NUTF2: variants seen among roughly 807,000 people sequenced by gnomAD.
NUTF2 encodes placental protein 15.
A neutral mutation model predicts 18.5 loss-of-function variants in NUTF2; 3 were observed. That is an observed-to-expected ratio of 0.16 (90% confidence interval 0.07 to 0.42). The LOEUF (loss-of-function observed/expected upper bound fraction) is 0.42. Ranked by LOEUF, NUTF2 falls within the 10% of genes least tolerant of loss-of-function variation. The pLI is 0.99. For synonymous variants in NUTF2, 51 were observed against 57.9 expected (o/e 0.88, Z 0.54); for missense variants, 44 against 160.7 (o/e 0.27, Z 3.93).
chr16:67,854,131 A>T (rs759716700), intron 1 of NUTF2, among the ~76,000 whole-genome samples: 1 of 152,302 alleles, frequency 6.6e-6, no homozygotes, highest in African/African-American at 2.4e-5. Context: ...TTGTATTTTT[A>T]GTAAAGATGG....
At position 67,872,475 on chromosome 16, in the gene NUTF2, C is replaced by G. The variant is rs1219735406; in HGVS notation, c.*1562C>G. 1 of 152,344 alleles carries G rather than the reference C, an allele frequency of 6.6e-6. No homozygotes were observed. The highest frequency in any genetic ancestry group is 1.9e-4 in the East Asian group (1 of 5,212). 9.4% of individuals were successfully genotyped at this position (152,344 alleles called of 1,614,324 possible). A position where few individuals can be genotyped will look rare whatever the true frequency, so the allele number is the denominator to read the frequency against. ...GTGGGGGTGGGGAAGAGGTAGGTGC[C>G]TGCTGCCTCAAACCACCTTGTGTAA... On this transcript the variant is annotated 3_prime_UTR_variant, in exon 5 of 5. Coordinates refer to ENST00000219169, the MANE Select transcript of NUTF2 (RefSeq NM_005796.3).
chr16:67,848,104 C>T (rs1462776483), intron 1 of NUTF2, among the ~76,000 whole-genome samples: 4 of 152,212 alleles, frequency 2.6e-5, no homozygotes, highest in African/African-American at 9.7e-5. Context: ...CCATCAGAGA[C>T]CCTACTGAGT....
At chr16:67,847,378 C>T (rs1325087813) in intron 1 of NUTF2, 1 of 152,438 alleles carries the variant, frequency 6.6e-6, no homozygotes, top group Non-Finnish European at 1.5e-5. Context: ...GGGCAGACCC[C>T]AGCCCCACGT....
chr16:67,857,784 T>C (rs571683342), intron 1 of NUTF2, among the ~76,000 whole-genome samples: 3 of 152,342 alleles, frequency 2.0e-5, no homozygotes, highest in African/African-American at 7.2e-5. Context: ...TGAGAGAGTA[T>C]TGGGGCCAAG....
intron 1 of NUTF2, among the ~76,000 whole-genome samples, chr16:67,859,736 TC>T (rs2057922043): frequency 6.7e-6 from 1 of 150,358 alleles, no homozygotes; most frequent in Admixed American, 6.7e-5. Flanking sequence ...CCTCAGGTGA[TC>T]CACCCGCCTT....
chr16:67,855,014 T>G (rs1361559520), intron 1 of NUTF2, among the ~76,000 whole-genome samples: 3 of 150,258 alleles, frequency 2.0e-5, no homozygotes, highest in Non-Finnish European at 4.4e-5. Flanking sequence ...GCTGGTTTGT[T>G]TTTTTTTTTA....
intron 1 of NUTF2, among the ~76,000 whole-genome samples, chr16:67,849,324 G>A (rs539965182): frequency 1.3e-5 from 2 of 152,162 alleles, no homozygotes; most frequent in Non-Finnish European, 2.9e-5. Context: ...TCATGGCCCT[G>A]GGTGACTTGA....
intron 1 of NUTF2, among the ~76,000 whole-genome samples, chr16:67,848,576 C>CTT (rs1403005740): frequency 1.3e-5 from 2 of 151,876 alleles, no homozygotes; most frequent in African/African-American, 4.8e-5. Flanking sequence ...GGGCAAGACT[C>CTT]TGTCTCCAAA....
In NUTF2 at chr16:67,868,536, C is replaced by T. The variant is rs144893202; in HGVS notation, c.207C>T (p.Thr69=). The change falls in exon 4 of 5, where the codon ACC becomes ACT. Residue 69 remains threonine, a synonymous_variant. Coordinates refer to ENST00000219169, the MANE Select transcript of NUTF2 (RefSeq NM_005796.3). The part of the protein sequence containing the change: ...LPFQKIQHSI[T]AQDHQPTPDS... ...TCCAGAAAATTCAGCACAGCATCAC[C>T]GCGCAGGACCATCAGCCCACTCCAG... 4.4e-5 allele frequency: 71 copies of T among 1,614,140 alleles called. No individual in the cohort carries two copies. The Admixed American group carries it at 4.7e-4, about 11-fold the overall frequency.
chr16:67,871,662 T>C lies in NUTF2; in HGVS notation c.*749T>C, dbSNP rs1440266772. The C allele has an allele frequency of 6.6e-6, 1 of 152,304 alleles. No homozygotes were observed. The highest frequency in any genetic ancestry group is 1.5e-5 in the Non-Finnish European group (1 of 68,096). The allele number at this position is 152,304 out of a possible 1,614,324, so 9.4% of individuals were successfully genotyped here. A position where few individuals can be genotyped will look rare whatever the true frequency, so the allele number is the denominator to read the frequency against. ...GCAGGAGAGATGATCCTGAATCCTG[T>C]TGAAGCTGGAGAGGCCTTGGCAAAA... On this transcript the variant is annotated 3_prime_UTR_variant, in exon 5 of 5. Coordinates refer to ENST00000219169, the MANE Select transcript of NUTF2 (RefSeq NM_005796.3).
chr16:67,865,712 G>A (rs990802382), intron 2 of NUTF2, among the ~76,000 whole-genome samples: 1 of 151,394 alleles, frequency 6.6e-6, no homozygotes, highest in Non-Finnish European at 1.5e-5. Context: ...AGGCATTGCT[G>A]GCTGCTCTTT....
intron 1 of NUTF2, among the ~76,000 whole-genome samples, chr16:67,852,104 G>T (rs2057863948): frequency 6.6e-6 from 1 of 152,056 alleles, no homozygotes; most frequent in Non-Finnish European, 1.5e-5. Flanking sequence ...ATTGCTTGAG[G>T]CCAGGAGTTC....
intron 1 of NUTF2, among the ~76,000 whole-genome samples, chr16:67,849,242 G>A (rs1388244024): frequency 6.6e-6 from 1 of 152,252 alleles, no homozygotes; most frequent in Non-Finnish European, 1.5e-5. Flanking sequence ...CCTGTAGATT[G>A]TCTGCGTGGG....
chr16:67,847,159 G>A (rs970199497), intron 1 of NUTF2, 174 bp downstream of exon 1: 1 of 148,616 alleles, frequency 6.7e-6, no homozygotes, highest in Non-Finnish European at 1.5e-5. Context: ...GCCTCCCGCC[G>A]GTCCTGTGAG....
At chr16:67,869,512 G>A (rs955055932) in intron 4 of NUTF2, among the ~76,000 whole-genome samples, 3 of 151,566 alleles carry the variant, frequency 2.0e-5, no homozygotes, top group Non-Finnish European at 4.4e-5. Context: ...TGGGCTGGGC[G>A]CGGTGGCTCA....
intron 1 of NUTF2, among the ~76,000 whole-genome samples, chr16:67,858,283 T>G (rs1319659274): frequency 6.6e-6 from 1 of 152,238 alleles, no homozygotes; most frequent in Non-Finnish European, 1.5e-5. Context: ...TTCTACCACC[T>G]CAGCCTCCCG....
chr16:67,858,324 T>C (rs1225215846), intron 1 of NUTF2, among the ~76,000 whole-genome samples: 1 of 152,058 alleles, frequency 6.6e-6, no homozygotes, highest in Non-Finnish European at 1.5e-5. Context: ...CATGCCACCA[T>C]TTCTGGCTAG....
chr16:67,859,103 C>T lies in NUTF2; in HGVS notation c.-29-5999C>T, dbSNP rs530252894. The stretch of plus-strand genomic sequence containing the variant: ...TCCTGCCTTGGACTCCCAAAGTGTC[C>T]GAGGGATTACAGTCATGATTACAGG... On this transcript the variant is annotated intron_variant, in intron 1 of 4. Coordinates refer to ENST00000219169, the MANE Select transcript of NUTF2 (RefSeq NM_005796.3). 4.5e-4 allele frequency among the ~76,000 whole-genome samples: 68 copies of T among 151,910 alleles called. 2 individuals carry two copies. The South Asian group carries it at 0.012, about 26-fold the overall frequency.
chr16:67,866,297 C>A (rs934936921), intron 2 of NUTF2, among the ~76,000 whole-genome samples: 5 of 150,452 alleles, frequency 3.3e-5, no homozygotes, highest in Non-Finnish European at 7.4e-5. Context: ...TTGTCATTAT[C>A]ATAGTAGAGT....
Sources: allele counts gnomAD v4.1 joint callset (sites outside exome capture counted in the v4.1 genomes callset), GRCh38; gene constraint gnomAD v4.1.1; transcripts MANE v1.5; gene names NCBI Gene and HGNC (gene_info 2026-07-23, HGNC 2026-07-21).